EGFR: variants seen among roughly 807,000 people sequenced by gnomAD.
EGFR encodes avian erythroblastic leukemia viral (v-erb-b) oncogene homolog.
In EGFR, 58 loss-of-function variants were observed where a neutral mutation model predicts 143.0. The ratio of observed to expected loss-of-function variants is 0.41; its 90% confidence interval spans 0.33 to 0.50. The LOEUF (loss-of-function observed/expected upper bound fraction) is 0.50, where lower values mean the gene tolerates loss of function less well. EGFR is among the 20% of genes least tolerant of loss of function. EGFR has a pLI of 0.39. For synonymous variants in EGFR, 613 were observed against 594.4 expected (o/e 1.03, Z -0.45); for missense variants, 1,307 against 1,579.0 (o/e 0.83, Z 2.92).
intron 18 of EGFR, 23 bp downstream of exon 18, chr7:55,174,066 C>T (rs772192297): frequency 1.9e-6 from 3 of 1,613,940 alleles, no homozygotes; most frequent in Non-Finnish European, 2.5e-6. Flanking sequence ...GCACAGGCCT[C>T]TGGGCTGGGC....
intron 23 of EGFR, among the ~76,000 whole-genome samples, chr7:55,199,894 A>T (rs1213691578): frequency 2.0e-5 from 3 of 152,210 alleles, no homozygotes; most frequent in African/African-American, 7.2e-5. Flanking sequence ...CAAATTCTTT[A>T]AAGCCTATTT....
chr7:55,071,971 T>C (rs1789859144), intron 1 of EGFR, among the ~76,000 whole-genome samples: 1 of 152,144 alleles, frequency 6.6e-6, no homozygotes, highest in Admixed American at 6.5e-5. Flanking sequence ...CATTTTTCTC[T>C]TGGATTGGGT....
intron 23 of EGFR, 25 bp from the exon 24 acceptor site, chr7:55,200,291 C>T (rs2128969736): frequency 6.2e-7 from 1 of 1,605,140 alleles, no homozygotes; most frequent in South Asian, 1.1e-5. Context: ...TCTAATTGCA[C>T]TGTTTTTTCT....
intron 1 of EGFR, among the ~76,000 whole-genome samples, chr7:55,117,037 G>T (rs1306693927): frequency 2.0e-5 from 3 of 152,138 alleles, no homozygotes; most frequent in Non-Finnish European, 2.9e-5. Flanking sequence ...AGAGGGTACT[G>T]GTCGCTTTAG....
chr7:55,191,970 A>G (rs2128964926), intron 21 of EGFR, 96 bp downstream of exon 21: 2 of 1,565,998 alleles, frequency 1.3e-6, no homozygotes, highest in Non-Finnish European at 1.7e-6. Context: ...GCAGGGGAGG[A>G]TGCTCTCCAG....
chr7:55,166,386 T>C, intron 15 of EGFR: 1 of 543,674 alleles, frequency 1.8e-6, no homozygotes, highest in East Asian at 3.7e-5. Context: ...CTGTATGAGT[T>C]GTGTGCCCTT....
At chr7:55,022,398 T>C (rs1786624525) in intron 1 of EGFR, among the ~76,000 whole-genome samples, 5 of 149,532 alleles carry the variant, frequency 3.3e-5, no homozygotes, top group Admixed American at 3.3e-4. Flanking sequence ...GTATCCAAAG[T>C]GAGATCTACC....
chr7:55,164,327 C>T (rs1785859519), intron 14 of EGFR, among the ~76,000 whole-genome samples: 1 of 152,040 alleles, frequency 6.6e-6, no homozygotes, highest in Non-Finnish European at 1.5e-5. Flanking sequence ...CCTCTCACAC[C>T]AAATGTCCTG....
At chr7:55,129,821 G>T (rs1486916289) in intron 1 of EGFR, among the ~76,000 whole-genome samples, 6 of 152,150 alleles carry the variant, frequency 3.9e-5, no homozygotes, top group Admixed American at 6.5e-5. Flanking sequence ...ACTCCAACCA[G>T]GTCTGTCTTC....
intron 1 of EGFR, among the ~76,000 whole-genome samples, chr7:55,131,794 G>T (rs185954857): frequency 2.6e-5 from 4 of 152,128 alleles, no homozygotes; most frequent in Non-Finnish European, 5.9e-5. Flanking sequence ...GACCCCTTGC[G>T]CTGTCAGCAT....
At chr7:55,201,662 C>A (rs1333919369) in intron 25 of EGFR, 73 bp from the exon 26 acceptor site, 1 of 1,570,364 alleles carries the variant, frequency 6.4e-7, no homozygotes, top group Non-Finnish European at 8.8e-7. Context: ...TGAGGCACAC[C>A]ACCTGCATTC....
intron 1 of EGFR, among the ~76,000 whole-genome samples, chr7:55,028,355 A>G (rs1787054798): frequency 6.6e-6 from 1 of 152,108 alleles, no homozygotes; most frequent in African/African-American, 2.4e-5. Context: ...CTCTGCTGAT[A>G]CTCAAATTAT....
At position 55,098,854 on chromosome 7, in the gene EGFR, C is replaced by G. The variant is rs547488943; in HGVS notation, c.89-43432C>G. The stretch of plus-strand genomic sequence containing the variant: ...TGAAATAGTATGTGAACCAGTAAAC[C>G]CTAAAAGGTGTCCAGTGTTGTCTGT... On this transcript the variant is annotated intron_variant, in intron 1 of 27. Transcript: ENST00000275493. 1.0e-3 allele frequency among the ~76,000 whole-genome samples: 152 copies of G among 152,182 alleles called. 1 individual carries two copies. Among genetic ancestry groups the G allele is most frequent in the Non-Finnish European group, 1.8e-3 (122 of 68,018 alleles).
chr7:55,127,055 A>T (rs1207499052), intron 1 of EGFR, among the ~76,000 whole-genome samples: 2 of 152,232 alleles, frequency 1.3e-5, no homozygotes, highest in African/African-American at 2.4e-5. Flanking sequence ...TGTACCATCT[A>T]GTTAATAAGA....
chr7:55,050,824 A>C (rs1345268781), intron 1 of EGFR, among the ~76,000 whole-genome samples: 1 of 151,992 alleles, frequency 6.6e-6, no homozygotes, highest in Non-Finnish European at 1.5e-5. Context: ...AAAATAAAAA[A>C]CCCAAAAAAC....
At chr7:55,067,702 A>G (rs747065156) in intron 1 of EGFR, among the ~76,000 whole-genome samples, 2 of 151,512 alleles carry the variant, frequency 1.3e-5, no homozygotes, top group Non-Finnish European at 2.9e-5. Flanking sequence ...AAAATTGTGT[A>G]TATTCAAGGT....
At chr7:55,170,872 G>T (rs936237008) in intron 15 of EGFR, 8 of 1,411,860 alleles carry the variant, frequency 5.7e-6, no homozygotes, top group Middle Eastern at 2.6e-4. Flanking sequence ...CCAGCTGTGG[G>T]ACAATTATCT....
intron 1 of EGFR, among the ~76,000 whole-genome samples, chr7:55,096,969 C>A (rs1159724205): frequency 6.6e-6 from 1 of 152,132 alleles, no homozygotes; most frequent in Non-Finnish European, 1.5e-5. Context: ...CCCCCCAGCT[C>A]CTCACCTGTC....
At chr7:55,147,127 C>G (rs1339838500) in intron 4 of EGFR, among the ~76,000 whole-genome samples, 1 of 152,218 alleles carries the variant, frequency 6.6e-6, no homozygotes, top group African/African-American at 2.4e-5. Context: ...TCCTGAAGCA[C>G]CAGGGCTGAA....
Sources: allele counts gnomAD v4.1 joint callset (sites outside exome capture counted in the v4.1 genomes callset), GRCh38; gene constraint gnomAD v4.1.1; transcripts MANE v1.5; gene names NCBI Gene and HGNC (gene_info 2026-07-23, HGNC 2026-07-21).